SLC12A6: variants seen among roughly 807,000 people sequenced by gnomAD.
The protein encoded by SLC12A6 is K-Cl cotransporter 3.
A neutral mutation model predicts 135.3 loss-of-function variants in SLC12A6; 66 were observed. The observed-to-expected ratio is 0.49, with a 90% confidence interval of 0.40 to 0.60. SLC12A6 has a LOEUF of 0.60. SLC12A6 is among the 20% of genes least tolerant of loss of function. The pLI is 0.00. For missense variants in SLC12A6, 1,058 were observed against 1,452.3 expected, an observed-to-expected ratio of 0.73 and a Z score of 4.41; for synonymous variants, 513 against 508.8, an observed-to-expected ratio of 1.01 and a Z score of -0.11.
intron 2 of SLC12A6, among the ~76,000 whole-genome samples, chr15:34,301,991 G>A (rs1358442610): frequency 6.6e-6 from 1 of 152,202 alleles, no homozygotes; most frequent in African/African-American, 2.4e-5. Context: ...ATGCAAATGA[G>A]GTAAACTGTG....
intron 2 of SLC12A6, among the ~76,000 whole-genome samples, chr15:34,275,821 T>C (rs968741733): frequency 6.6e-6 from 1 of 152,174 alleles, no homozygotes; most frequent in Non-Finnish European, 1.5e-5. Flanking sequence ...GGATGAACCT[T>C]GAAAACATTA....
intron 2 of SLC12A6, among the ~76,000 whole-genome samples, chr15:34,275,829 T>C (rs1011632185): frequency 6.6e-6 from 1 of 152,138 alleles, no homozygotes; most frequent in Non-Finnish European, 1.5e-5. Flanking sequence ...CTTGAAAACA[T>C]TATGCTAAGG....
Position 34,236,660 on chromosome 15 carries a change from T to G in SLC12A6, c.3042+48A>C, listed in dbSNP as rs761178740. 3.1e-5 allele frequency: 35 copies of G among 1,117,776 alleles called. No homozygotes were observed. The African/African-American group carries it at 5.2e-4, about 16-fold the overall frequency. 69.2% of individuals were successfully genotyped at this position (1,117,776 alleles called of 1,614,324 possible). A position where few individuals can be genotyped will look rare whatever the true frequency, so the allele number is the denominator to read the frequency against. ...CCCAGCCCAGTATCATCCCTTTCAG[T>G]GACAGACTTTAGAGAGCACGGATTG... On this transcript the variant is annotated intron_variant, in intron 23 of 25. Coordinates refer to ENST00000354181, the MANE Select transcript of SLC12A6 (RefSeq NM_001365088.1).
chr15:34,318,911 T>C, intron 2 of SLC12A6: 1 of 1,018,964 alleles, frequency 9.8e-7, no homozygotes, highest in African/African-American at 1.6e-5. Context: ...GATTAAGCAC[T>C]CCACCCTTGC....
intron 2 of SLC12A6, chr15:34,318,648 C>T: frequency 6.2e-7 from 1 of 1,613,086 alleles, no homozygotes; most frequent in East Asian, 2.2e-5. Context: ...TCCTCTGGGT[C>T]CTCTACCTTA....
chr15:34,307,192 G>A (rs1014131443), intron 2 of SLC12A6, among the ~76,000 whole-genome samples: 5 of 152,032 alleles, frequency 3.3e-5, no homozygotes, highest in Non-Finnish European at 5.9e-5. Context: ...AAATACCGAT[G>A]GGGAAAAACA....
intron 2 of SLC12A6, among the ~76,000 whole-genome samples, chr15:34,286,938 C>T (rs1398944180): frequency 6.6e-6 from 1 of 151,878 alleles, no homozygotes; most frequent in African/African-American, 2.4e-5. Flanking sequence ...TTACTTATAA[C>T]AATTTGCTTG....
At position 34,241,447 on chromosome 15, in the gene SLC12A6, T is replaced by C. The variant is rs1330100025; in HGVS notation, c.2163-110A>G. 5.9e-6 allele frequency: 4 copies of C among 680,594 alleles called. No individual in the cohort carries two copies. The Admixed American group carries it at 6.8e-5, about 12-fold the overall frequency. The allele number at this position is 680,594 out of a possible 1,614,324, so 42.2% of individuals were successfully genotyped here. ...AATCACACATGTGCAAGGTAGAAGATTAAAGCTCAGATTAATGATTTACAT... is the reference window on the plus strand; with the variant it reads ...AATCACACATGTGCAAGGTAGAAGACTAAAGCTCAGATTAATGATTTACAT... On this transcript the variant is annotated intron_variant, in intron 17 of 25. Coordinates refer to ENST00000354181, the MANE Select transcript of SLC12A6 (RefSeq NM_001365088.1).
intron 13 of SLC12A6, among the ~76,000 whole-genome samples, chr15:34,248,269 AAAAT>A (rs530702500): frequency 1.3e-4 from 20 of 152,248 alleles, no homozygotes; most frequent in South Asian, 1.0e-3. Flanking sequence ...GAAGCAGGCA[AAAAT>A]AAATAAATAA....
chr15:34,232,647 T>C lies in SLC12A6; in HGVS notation c.*1234A>G, dbSNP rs886051048. 1 of 152,666 alleles carries C rather than the reference T, an allele frequency of 6.6e-6. No homozygotes were observed. The highest frequency in any genetic ancestry group is 1.5e-5 in the Non-Finnish European group (1 of 68,042). 9.5% of individuals were successfully genotyped at this position (152,666 alleles called of 1,614,324 possible). On this transcript the variant is annotated 3_prime_UTR_variant, in exon 26 of 26. Transcript: ENST00000354181. ...AAGAAAAAGGGGGAAATGCTTATAC[T>C]TGGCATTAAGTTGAATGCCTCAAGT...
chr15:34,305,751 C>T (rs1410691652), intron 2 of SLC12A6, among the ~76,000 whole-genome samples: 3 of 151,232 alleles, frequency 2.0e-5, no homozygotes, highest in African/African-American at 7.3e-5. Context: ...GTTTCTCTCT[C>T]CTCCAGCATT....
chr15:34,331,563 T>C (rs1441264516), intron 2 of SLC12A6, among the ~76,000 whole-genome samples: 1 of 152,242 alleles, frequency 6.6e-6, no homozygotes, highest in African/African-American at 2.4e-5. Flanking sequence ...CTCTTGTTTT[T>C]AAGTCTACAA....
chr15:34,256,303 A>C lies in SLC12A6; in HGVS notation c.691-20T>G. ...CATTGTCTGCAGAGAAAAGGAAAGGAGAGGATTGTTACTGTGTAAAGATGA... is the reference window on the plus strand; with the variant it reads ...CATTGTCTGCAGAGAAAAGGAAAGGCGAGGATTGTTACTGTGTAAAGATGA... On this transcript the variant is annotated intron_variant, in intron 6 of 25. Coordinates refer to ENST00000354181, the MANE Select transcript of SLC12A6 (RefSeq NM_001365088.1). The C allele has an allele frequency of 1.3e-6, 2 of 1,559,138 alleles. No individual in the cohort carries two copies. The highest frequency in any genetic ancestry group is 1.8e-6 in the Non-Finnish European group (2 of 1,129,864).
chr15:34,266,423 G>A (rs1194443753), intron 3 of SLC12A6, among the ~76,000 whole-genome samples: 1 of 151,866 alleles, frequency 6.6e-6, no homozygotes, highest in East Asian at 1.9e-4. Flanking sequence ...CCACCAAGAA[G>A]TCATGCCAAT....
At chr15:34,291,080 T>C (rs1349145195) in intron 2 of SLC12A6, among the ~76,000 whole-genome samples, 7 of 152,232 alleles carry the variant, frequency 4.6e-5, no homozygotes, top group Admixed American at 2.0e-4. Flanking sequence ...ATAGCACTGA[T>C]GGTCTTTACA....
chr15:34,287,458 C>T (rs957316577), intron 2 of SLC12A6, among the ~76,000 whole-genome samples: 5 of 152,024 alleles, frequency 3.3e-5, no homozygotes, highest in African/African-American at 7.2e-5. Flanking sequence ...GTGTCTTTAT[C>T]GTAAAATGAT....
At chr15:34,329,239 T>C (rs756086) in intron 2 of SLC12A6, among the ~76,000 whole-genome samples, 51,593 of 152,068 alleles carry the variant, frequency 0.34, 8,795 homozygotes, top group South Asian at 0.44. Flanking sequence ...TCCAGTGAAG[T>C]CATGATGGCT....
intron 19 of SLC12A6, among the ~76,000 whole-genome samples, chr15:34,239,964 A>G (rs543260328): frequency 2.6e-5 from 4 of 151,734 alleles, no homozygotes; most frequent in Admixed American, 2.6e-4. Flanking sequence ...TTTTTTTTTT[A>G]AATACTTTAA....
chr15:34,235,977 G>T, intron 24 of SLC12A6, 38 bp downstream of exon 24: 1 of 1,512,654 alleles, frequency 6.6e-7, no homozygotes, highest in Non-Finnish European at 9.2e-7. Context: ...CCACTGATTA[G>T]GTAATTTTAT....
Sources: allele counts gnomAD v4.1 joint callset (sites outside exome capture counted in the v4.1 genomes callset), GRCh38; gene constraint gnomAD v4.1.1; transcripts MANE v1.5; gene names NCBI Gene and HGNC (gene_info 2026-07-23, HGNC 2026-07-21).